Variants in PHF3 observed in about 807,000 individuals in gnomAD.
PHF3 encodes PHD finger protein 3.
A neutral mutation model predicts 178.4 loss-of-function variants in PHF3; 41 were observed. That is an observed-to-expected ratio of 0.23 (90% CI 0.18 to 0.30). The LOEUF is 0.30. Ranked by LOEUF, PHF3 falls within the 10% of genes least tolerant of loss-of-function variation. PHF3 has a pLI of 1.00. For synonymous variants in PHF3, 842 were observed against 800.5 expected (o/e 1.05, Z -0.88); for missense variants, 2,346 against 2,398.1 (o/e 0.98, Z 0.45).
chr6:63,656,866 G>C (rs923710338), intron 2 of PHF3, among the ~76,000 whole-genome samples: 2 of 152,160 alleles, frequency 1.3e-5, no homozygotes, highest in Admixed American at 1.3e-4. Flanking sequence ...TATTGCTGCT[G>C]TGTTGCCTGA....
At chr6:63,637,146 T>C (rs992686270) in intron 1 of PHF3, among the ~76,000 whole-genome samples, 3 of 152,250 alleles carry the variant, frequency 2.0e-5, no homozygotes, top group African/African-American at 7.2e-5. Context: ...TTAAAAAGAA[T>C]AATCGATTAT....
Position 63,702,644 on chromosome 6 carries a change from G to A in PHF3, c.3231+5G>A, listed in dbSNP as rs1240279996. On this transcript the variant is annotated splice_donor_5th_base_variant and intron_variant, in intron 10 of 15. Coordinates refer to ENST00000262043, the MANE Select transcript of PHF3 (RefSeq NM_001370348.2). Reference sequence around the variant, plus strand: ...GAAGCAGCCATGGAGATTCAGGTAAGGATAGATATGCCATGTTTTATAGCT... The same window carrying A: ...GAAGCAGCCATGGAGATTCAGGTAAAGATAGATATGCCATGTTTTATAGCT... 2 of 1,607,560 alleles carry A rather than the reference G, an allele frequency of 1.2e-6. No individual in the cohort carries two copies. The highest frequency in any genetic ancestry group is 1.7e-5 in the Admixed American group (1 of 59,214).
intron 2 of PHF3, among the ~76,000 whole-genome samples, chr6:63,649,466 T>G (rs1435575543): frequency 6.6e-6 from 1 of 152,196 alleles, no homozygotes; most frequent in African/African-American, 2.4e-5. Flanking sequence ...CTGTGGCTAT[T>G]TTGTAACCTT....
chr6:63,676,564 T>A (rs1381344495), intron 2 of PHF3, among the ~76,000 whole-genome samples: 1 of 152,116 alleles, frequency 6.6e-6, no homozygotes, highest in Non-Finnish European at 1.5e-5. Context: ...TATGCTTCCC[T>A]ATGTTCAGGA....
chr6:63,712,884 G>A lies in PHF3; in HGVS notation c.5296G>A (p.Glu1766Lys). The A allele has an allele frequency of 6.2e-7, 1 of 1,613,964 alleles. No homozygotes were observed. The highest frequency in any genetic ancestry group is 8.5e-7 in the Non-Finnish European group (1 of 1,179,944). ...ATCAGCAGTAGCGACATCTCATTTTGAAGTTGGAAACACATGTCCATCAGA... is the reference window on the plus strand; with the variant it reads ...ATCAGCAGTAGCGACATCTCATTTTAAAGTTGGAAACACATGTCCATCAGA... ...RGSAVATSHF[E>K]VGNTCPSEFP... Residue 1766 changes from glutamate to lysine, a missense_variant, in exon 16 of 16, where the codon GAA becomes AAA. Glu to Lys is a moderately conservative substitution (Grantham distance 56). Around this residue, in one of 8 missense-constraint regions of PHF3, gnomAD observed 839 missense variants for 806.9 expected, o/e 1.04. Transcript: ENST00000262043.
Position 63,723,526 on chromosome 6 carries a change from T to C in PHF3, c.*9818T>C, listed in dbSNP as rs1000658999. Among the ~76,000 whole-genome samples the C allele has an allele frequency of 6.6e-6, 1 of 152,016 alleles. No individual in the cohort carries two copies. The highest frequency in any genetic ancestry group is 1.5e-5 in the Non-Finnish European group (1 of 68,002). On this transcript the variant is annotated 3_prime_UTR_variant, in exon 16 of 16. Transcript: ENST00000262043. The stretch of plus-strand genomic sequence containing the variant: ...AAGAGCTACATTAGAATAAAAAATA[T>C]CTAAGAAATGATTAGGAAAGCTGAA...
chr6:63,636,044 C>T lies in PHF3; in HGVS notation c.-132C>T, dbSNP rs1368346588. 2 of 395,048 alleles carry T rather than the reference C, an allele frequency of 5.1e-6. No individual in the cohort carries two copies. The highest frequency in any genetic ancestry group is 8.9e-6 in the Non-Finnish European group (2 of 223,980). The allele number at this position is 395,048 out of a possible 1,614,324, so 24.5% of individuals were successfully genotyped here. A position where few individuals can be genotyped will look rare whatever the true frequency, so the allele number is the denominator to read the frequency against. On this transcript the variant is annotated 5_prime_UTR_variant, in exon 1 of 16. Coordinates refer to ENST00000262043, the MANE Select transcript of PHF3 (RefSeq NM_001370348.2). The stretch of plus-strand genomic sequence containing the variant: ...AGCGACGCCGACGTCCTGCGCGTAC[C>T]CCCTCTCCGCGGCACCCACCGGGCC...
In PHF3 at chr6:63,655,664, A is replaced by G. The variant is rs149760601; in HGVS notation, c.244+8869A>G. Among the ~76,000 whole-genome samples, 676 of 152,260 alleles carry G rather than the reference A, an allele frequency of 4.4e-3. 4 individuals are homozygous for G. The highest frequency in any genetic ancestry group is 7.2e-3 in the Non-Finnish European group (488 of 67,996). ...GTATTTCATAGCTTCTTTAAATTAT[A>G]TGCAATATAGCTTAAAAGCACAGTG... is the stretch of plus-strand genomic sequence containing the variant. On this transcript the variant is annotated intron_variant, in intron 2 of 15. Transcript: ENST00000262043.
At position 63,721,644 on chromosome 6, in the gene PHF3, T is replaced by G; in HGVS notation, c.*7936T>G. 1 of 1,551,358 alleles carries G rather than the reference T, an allele frequency of 6.4e-7. No individual in the cohort carries two copies. The highest frequency in any genetic ancestry group is 8.7e-7 in the Non-Finnish European group (1 of 1,146,626). ...TACATTTATCCCATCTAGATCCAGG[T>G]AGCCTTCTGCACCAACTCTTCCTGC... On this transcript the variant is annotated 3_prime_UTR_variant, in exon 16 of 16. Coordinates refer to ENST00000262043, the MANE Select transcript of PHF3 (RefSeq NM_001370348.2).
intron 2 of PHF3, among the ~76,000 whole-genome samples, chr6:63,677,891 T>C (rs1158156414): frequency 6.6e-6 from 1 of 152,146 alleles, no homozygotes; most frequent in Non-Finnish European, 1.5e-5. Context: ...AAAATTTATG[T>C]ATTTAAAGGA....
rs201122793 is a variant in PHF3 at position 63,713,113 on chromosome 6, C to G, written c.5525C>G (p.Pro1842Arg). ...PPHLPPPLLP[P>R]PGFGFAQNPM... is the part of the protein sequence containing the mutation. Reference sequence around the variant, plus strand: ...CATTTGCCACCTCCATTACTTCCCCCTCCAGGCTTTGGCTTTGCTCAAAAT... The same window carrying G: ...CATTTGCCACCTCCATTACTTCCCCGTCCAGGCTTTGGCTTTGCTCAAAAT... The change falls in exon 16 of 16, where the codon CCT (proline) becomes CGT (arginine). Residue 1842 changes from proline to arginine, a missense_variant. Pro to Arg is a moderately radical substitution (Grantham distance 103). Around this residue, in one of 8 missense-constraint regions of PHF3, gnomAD observed 839 missense variants for 806.9 expected, o/e 1.04. Transcript: ENST00000262043. The G allele has an allele frequency of 1.2e-5, 20 of 1,613,934 alleles. No homozygotes were observed. Among genetic ancestry groups the G allele is most frequent in the Non-Finnish European group, 1.6e-5 (19 of 1,179,982 alleles).
At chr6:63,709,987 C>T (rs1382723512) in intron 14 of PHF3, among the ~76,000 whole-genome samples, 2 of 151,906 alleles carry the variant, frequency 1.3e-5, no homozygotes, top group Non-Finnish European at 2.9e-5. Flanking sequence ...ATTGTTTTTC[C>T]CTCCACGGGA....
chr6:63,674,411 T>C (rs915449439), intron 2 of PHF3, among the ~76,000 whole-genome samples: 3 of 147,460 alleles, frequency 2.0e-5, no homozygotes, highest in African/African-American at 7.5e-5. Context: ...AAAAGCATTA[T>C]TTATATAGCA....
At chr6:63,690,475 A>G (rs1475317646) in intron 4 of PHF3, among the ~76,000 whole-genome samples, 1 of 151,970 alleles carries the variant, frequency 6.6e-6, no homozygotes, top group Non-Finnish European at 1.5e-5. Flanking sequence ...ATTGGAACTC[A>G]CTCTTGTAGT....
rs1353540596 is a variant in PHF3, at chr6:63,685,588, T to G, written c.1866T>G (p.Ser622=). ...CACAAACTGGACATGTATCACATTC[T>G]AGCCAGAAACAGTGTCATAAGCCTC... ...HPAQTGHVSH[S]SQKQCHKPQQ... The change falls in exon 4 of 16, where the codon TCT becomes TCG. Residue 622 remains serine, a synonymous_variant. Transcript: ENST00000262043. The G allele has an allele frequency of 6.2e-7, 1 of 1,614,014 alleles. No individual in the cohort carries two copies. Among genetic ancestry groups the G allele is most frequent in the East Asian group, 2.2e-5 (1 of 44,896 alleles).
chr6:63,678,793 A>C, intron 2 of PHF3: 1 of 446,992 alleles, frequency 2.2e-6, no homozygotes, highest in Non-Finnish European at 4.5e-6. Flanking sequence ...TTTAAAGGTA[A>C]ACTTATGAAG....
At chr6:63,669,204 G>A (rs1257685695) in intron 2 of PHF3, among the ~76,000 whole-genome samples, 3 of 152,180 alleles carry the variant, frequency 2.0e-5, no homozygotes, top group South Asian at 4.1e-4. Flanking sequence ...AAATCTTCAA[G>A]AAACTGACAT....
intron 2 of PHF3, among the ~76,000 whole-genome samples, chr6:63,674,618 C>T (rs1582052100): frequency 6.6e-6 from 1 of 151,820 alleles, no homozygotes; most frequent in African/African-American, 2.4e-5. Flanking sequence ...TGATCTCCTG[C>T]GATGTTAGAG....
chr6:63,700,534 A>G (rs867457154), intron 9 of PHF3, 68 bp downstream of exon 9: 6 of 831,038 alleles, frequency 7.2e-6, no homozygotes, highest in Middle Eastern at 2.3e-4. Flanking sequence ...GGTAAAAATT[A>G]TACAGAGGTA....
Sources: gnomAD v4.1 joint callset for allele counts (sites outside exome capture counted in the v4.1 genomes callset) on GRCh38, gnomAD v4.1.1 for gene constraint, gnomAD v4.1.1 regional missense constraint, MANE v1.5 for transcripts, NCBI Gene and HGNC (gene_info 2026-07-23, HGNC 2026-07-21) for gene names.